WFDC13: variants seen among roughly 807,000 people sequenced by gnomAD.
WFDC13 encodes the protein WAP four-disulfide core domain protein 13.
In WFDC13, 6 loss-of-function variants were observed where a neutral mutation model predicts 10.9. The ratio of observed to expected loss-of-function variants is 0.55; its 90% CI spans 0.30 to 1.09. WFDC13 has a LOEUF of 1.09. WFDC13 is among the 50% of genes least tolerant of loss of function. The pLI is 0.06. For synonymous variants in WFDC13, 38 were observed against 39.5 expected (o/e 0.96, Z 0.14); for missense variants, 104 against 109.6 (o/e 0.95, Z 0.23).
At chr20:45,705,580 C>A (rs1360239777) in intron 2 of WFDC13, among the ~76,000 whole-genome samples, 2 of 152,186 alleles carry the variant, frequency 1.3e-5, no homozygotes, top group South Asian at 4.1e-4. Flanking sequence ...ACATTACTTG[C>A]CAACATAATT....
At chr20:45,704,099 A>T (rs542810999) in intron 1 of WFDC13, among the ~76,000 whole-genome samples, 3 of 152,346 alleles carry the variant, frequency 2.0e-5, no homozygotes, top group East Asian at 3.9e-4. Context: ...CAGAACGAAC[A>T]TACAAACCTC....
chr20:45,704,617 G>A, intron 2 of WFDC13, 23 bp downstream of exon 2: 1 of 1,612,144 alleles, frequency 6.2e-7, no homozygotes. Flanking sequence ...TCATATCCAG[G>A]TCTGATCCTA....
chr20:45,708,556 C>G lies in WFDC13; in HGVS notation c.*721C>G, dbSNP rs968919605. On this transcript the variant is annotated 3_prime_UTR_variant, in exon 4 of 4. Coordinates refer to ENST00000305479, the MANE Select transcript of WFDC13 (RefSeq NM_172005.2). ...CCAATAATAACTTTAAATTTTTGAT[C>G]AACCATGCTAGAGCAAAGATTGAAT... is the stretch of plus-strand genomic sequence containing the variant. The G allele has an allele frequency of 6.6e-6, 1 of 152,100 alleles. No homozygotes were observed. The highest frequency in any genetic ancestry group is 2.4e-5 in the African/African-American group (1 of 41,388). The allele number at this position is 152,100 out of a possible 1,614,324, so 9.4% of individuals were successfully genotyped here.
chr20:45,703,617 C>A (rs1185592960), intron 1 of WFDC13, among the ~76,000 whole-genome samples: 2 of 152,060 alleles, frequency 1.3e-5, no homozygotes, highest in African/African-American at 4.8e-5. Flanking sequence ...TGGGGCCCAT[C>A]TTTAGAGTCC....
intron 3 of WFDC13, among the ~76,000 whole-genome samples, chr20:45,706,441 A>G (rs1984392923): frequency 6.6e-6 from 1 of 152,204 alleles, no homozygotes; most frequent in Non-Finnish European, 1.5e-5. Context: ...CAACTCACTT[A>G]CAAGGTCACT....
At chr20:45,703,291 G>C (rs961172656) in intron 1 of WFDC13, among the ~76,000 whole-genome samples, 1 of 152,128 alleles carries the variant, frequency 6.6e-6, no homozygotes, top group Non-Finnish European at 1.5e-5. Context: ...CTATAGAATA[G>C]CTGAGAGGCC....
chr20:45,704,740 C>T, intron 2 of WFDC13, 146 bp downstream of exon 2: 1 of 1,394,948 alleles, frequency 7.2e-7, no homozygotes, highest in Non-Finnish European at 9.7e-7. Flanking sequence ...CTTCTCTTGA[C>T]CAAGGATAAT....
intron 2 of WFDC13, chr20:45,705,264 C>A: frequency 2.2e-6 from 1 of 457,568 alleles, no homozygotes; most frequent in African/African-American, 2.0e-5. Context: ...TTGCAAGGCC[C>A]ATATGAAATT....
intron 1 of WFDC13, 74 bp downstream of exon 1, chr20:45,702,285 G>C: frequency 7.0e-7 from 1 of 1,429,462 alleles, no homozygotes; most frequent in Non-Finnish European, 9.6e-7. Context: ...CTGACAGTCT[G>C]TCACACCTCT....
At chr20:45,705,959 A>C in intron 3 of WFDC13, 32 bp downstream of exon 3, 12 of 1,578,924 alleles carry the variant, frequency 7.6e-6, no homozygotes, top group South Asian at 1.1e-5. Context: ...CGCCTTCCTC[A>C]TGTGAGATTC....
At chr20:45,704,787 CT>C in intron 2 of WFDC13, 193 bp downstream of exon 2, 1 of 1,284,314 alleles carries the variant, frequency 7.8e-7, no homozygotes, top group South Asian at 1.3e-5. Flanking sequence ...CCCTCCTCCC[CT>C]CCCAATCACC....
chr20:45,707,797 T>G (rs190792897), intron 3 of WFDC13, 61 bp from the exon 4 acceptor site: 33 of 152,300 alleles, frequency 2.2e-4, no homozygotes, highest in Non-Finnish European at 4.4e-5. Flanking sequence ...CAACATGATG[T>G]CCAAGGATGT....
chr20:45,705,677 T>C (rs1984362482), intron 2 of WFDC13, among the ~76,000 whole-genome samples, 186 bp from the exon 3 acceptor site: 1 of 152,202 alleles, frequency 6.6e-6, no homozygotes, highest in East Asian at 1.9e-4. Context: ...ATGCTCTACA[T>C]TGGAATGCAG....
chr20:45,705,921 T>A lies in WFDC13; in HGVS notation c.*16T>A. On this transcript the variant is annotated 3_prime_UTR_variant, in exon 3 of 4. Transcript: ENST00000305479. Reference sequence around the variant, plus strand: ...TGCCAACTGAGGCATATTTCCTAGATCATTTTGTAAGTACAGGGATTTGGT... The same window carrying A: ...TGCCAACTGAGGCATATTTCCTAGAACATTTTGTAAGTACAGGGATTTGGT... The A allele has an allele frequency of 6.2e-7, 1 of 1,613,954 alleles. No homozygotes were observed. The highest frequency in any genetic ancestry group is 8.5e-7 in the Non-Finnish European group (1 of 1,179,914).
Position 45,708,100 on chromosome 20 carries a change from C to G in WFDC13, c.*265C>G, listed in dbSNP as rs1030036849. 2 of 152,224 alleles carry G rather than the reference C, an allele frequency of 1.3e-5. No individual in the cohort carries two copies. Among genetic ancestry groups the G allele is most frequent in the African/African-American group, 4.8e-5 (2 of 41,440 alleles). The allele number at this position is 152,224 out of a possible 1,614,324, so 9.4% of individuals were successfully genotyped here. A position where few individuals can be genotyped will look rare whatever the true frequency, so the allele number is the denominator to read the frequency against. On this transcript the variant is annotated 3_prime_UTR_variant, in exon 4 of 4. Transcript: ENST00000305479. ...CCCACTTTGGCATAGAGACAAGCAG[C>G]ACTGTTCCAGTCCAGGGATGCTGTG...
intron 3 of WFDC13, among the ~76,000 whole-genome samples, 179 bp from the exon 4 acceptor site, chr20:45,707,679 C>T (rs1391530016): frequency 6.6e-6 from 1 of 152,192 alleles, no homozygotes; most frequent in Non-Finnish European, 1.5e-5. Flanking sequence ...CCCTCTATGA[C>T]AGCCTCATGT....
At chr20:45,704,280 C>G (rs1984294727) in intron 1 of WFDC13, among the ~76,000 whole-genome samples, 164 bp from the exon 2 acceptor site, 1 of 152,186 alleles carries the variant, frequency 6.6e-6, no homozygotes, top group African/African-American at 2.4e-5. Context: ...GCTCAGAACT[C>G]AGAGGAAGGC....
rs200606204 is a variant in WFDC13 at position 45,702,222 on chromosome 20, G to C, written c.88+11G>C. ...AGCAGCGTGTTCTGAGTAGGTGCTG[G>C]ATCTGGGCCCAAGGAGGGAAGTAAC... On this transcript the variant is annotated intron_variant, in intron 1 of 3. Coordinates refer to ENST00000305479, the MANE Select transcript of WFDC13 (RefSeq NM_172005.2). 726 of 1,608,980 alleles carry C rather than the reference G, an allele frequency of 4.5e-4. 2 individuals carry two copies. The highest frequency in any genetic ancestry group is 1.6e-4 in the Non-Finnish European group (190 of 1,177,736).
chr20:45,702,901 G>C (rs1336343529), intron 1 of WFDC13, among the ~76,000 whole-genome samples: 1 of 152,204 alleles, frequency 6.6e-6, no homozygotes, highest in African/African-American at 2.4e-5. Context: ...AACATCTTCA[G>C]AATACTGGCG....
Sources: allele counts gnomAD v4.1 joint callset (sites outside exome capture counted in the v4.1 genomes callset), GRCh38; gene constraint gnomAD v4.1.1; transcripts MANE v1.5; gene names NCBI Gene and HGNC (gene_info 2026-07-23, HGNC 2026-07-21).